TFCP2: variants seen among roughly 807,000 people sequenced by gnomAD.
TFCP2 encodes the protein alpha-globin transcription factor CP2.
Under a neutral mutation model 73.4 loss-of-function variants are expected in TFCP2, and 33 were observed. The observed-to-expected ratio is 0.45, with a 90% CI of 0.34 to 0.60. The LOEUF is 0.60. Among genes scored for constraint, TFCP2 ranks in the 20% least tolerant of loss-of-function variants. The pLI is 0.01. For missense variants in TFCP2, 352 were observed against 604.0 expected, an observed-to-expected ratio of 0.58 and a Z score of 4.37; for synonymous variants, 193 against 211.6, an observed-to-expected ratio of 0.91 and a Z score of 0.76.
At chr12:51,114,098 C>T (rs1393329734) in intron 4 of TFCP2, among the ~76,000 whole-genome samples, 2 of 152,092 alleles carry the variant, frequency 1.3e-5, no homozygotes, top group Non-Finnish European at 2.9e-5. Context: ...AATTGGACCA[C>T]CTCAATGTAA....
Position 51,132,400 on chromosome 12 carries a change from G to A in TFCP2, c.123-13628C>T, listed in dbSNP as rs545600071. 4.4e-4 allele frequency among the ~76,000 whole-genome samples: 41 copies of A among 92,874 alleles called. 1 individual carries two copies. In the South Asian group the frequency reaches 0.013, roughly 29 times the overall value. The allele number at this position is 92,874 out of a possible 152,430, so 60.9% of individuals were successfully genotyped here. ...TTTTTTTTTTTTTAGACAGAGTCTC[G>A]CTCTATCACCCAGGCTAAAGTGCAG... On this transcript the variant is annotated intron_variant, in intron 1 of 14. Coordinates refer to ENST00000257915, the MANE Select transcript of TFCP2 (RefSeq NM_005653.5).
intron 1 of TFCP2, among the ~76,000 whole-genome samples, chr12:51,131,136 T>C (rs1940935435): frequency 6.6e-6 from 1 of 151,320 alleles, no homozygotes; most frequent in African/African-American, 2.4e-5. Context: ...GAGACCATCC[T>C]GGCCAACATG....
intron 1 of TFCP2, among the ~76,000 whole-genome samples, chr12:51,153,368 C>G (rs1212957274): frequency 6.7e-6 from 1 of 148,668 alleles, no homozygotes; most frequent in Non-Finnish European, 1.5e-5. Flanking sequence ...AGAGCAAGAC[C>G]CTGTCTCAAA....
intron 1 of TFCP2, among the ~76,000 whole-genome samples, chr12:51,140,196 T>C (rs1049767128): frequency 2.0e-5 from 3 of 152,170 alleles, no homozygotes; most frequent in African/African-American, 4.8e-5. Flanking sequence ...CTAACACTTA[T>C]GCATGGATAT....
intron 1 of TFCP2, among the ~76,000 whole-genome samples, chr12:51,120,677 C>G (rs1401709985): frequency 6.6e-6 from 1 of 151,854 alleles, no homozygotes; most frequent in Non-Finnish European, 1.5e-5. Context: ...GGCTGTAATT[C>G]CAGCACTTTG....
chr12:51,166,854 T>C (rs1015916706), intron 1 of TFCP2, among the ~76,000 whole-genome samples: 8 of 152,192 alleles, frequency 5.3e-5, no homozygotes, highest in African/African-American at 1.9e-4. Flanking sequence ...CCCATCATCA[T>C]AGTGATTGGC....
intron 5 of TFCP2, among the ~76,000 whole-genome samples, chr12:51,110,567 C>T (rs1386732432): frequency 6.6e-6 from 1 of 151,738 alleles, no homozygotes; most frequent in African/African-American, 2.4e-5. Flanking sequence ...AGACACTGTC[C>T]CCCCCCAAAA....
chr12:51,106,476 G>T (rs759514848), intron 8 of TFCP2, 49 bp downstream of exon 8: 71 of 1,374,182 alleles, frequency 5.2e-5, no homozygotes, highest in Admixed American at 4.1e-5. Flanking sequence ...GGTAATGAAA[G>T]AATATATATT....
chr12:51,095,390 T>C, intron 14 of TFCP2, 112 bp from the exon 15 acceptor site: 1 of 1,165,694 alleles, frequency 8.6e-7, no homozygotes, highest in Admixed American at 1.7e-5. Flanking sequence ...GAGGTGGAGG[T>C]TGCAGTGAGC....
At chr12:51,123,712 C>G (rs1940736693) in intron 1 of TFCP2, among the ~76,000 whole-genome samples, 1 of 152,192 alleles carries the variant, frequency 6.6e-6, no homozygotes, top group African/African-American at 2.4e-5. Flanking sequence ...AGGCATGAGC[C>G]ACTGTGCCTA....
intron 3 of TFCP2, among the ~76,000 whole-genome samples, 200 bp from the exon 4 acceptor site, chr12:51,116,620 C>CT (rs35866720): frequency 0.17 from 24,572 of 143,894 alleles, 2,228 homozygotes; most frequent in South Asian, 0.26. Flanking sequence ...CAGATATAAT[C>CT]TTTTTTTTTT....
intron 1 of TFCP2, among the ~76,000 whole-genome samples, chr12:51,160,403 G>A (rs1254267339): frequency 6.6e-6 from 1 of 151,960 alleles, no homozygotes; most frequent in African/African-American, 2.4e-5. Context: ...CCAAAGGGCT[G>A]GGATTATAGG....
rs1259769265 is a variant in TFCP2 at position 51,096,059 on chromosome 12, T to C, written c.1420-19A>G. The C allele has an allele frequency of 1.2e-6, 2 of 1,608,096 alleles. No individual in the cohort carries two copies. The highest frequency in any genetic ancestry group is 1.1e-5 in the South Asian group (1 of 90,872). The stretch of plus-strand genomic sequence containing the variant: ...GTATCATCTGAAAAATGCAAGAAAA[T>C]TTGTGATTATTTAAATGAAAAACAA... On this transcript the variant is annotated intron_variant, in intron 13 of 14. Transcript: ENST00000257915.
At chr12:51,098,965 T>A (rs750377841) in intron 12 of TFCP2, 47 bp from the exon 13 acceptor site, 36 of 1,595,448 alleles carry the variant, frequency 2.3e-5, no homozygotes, top group Non-Finnish European at 3.0e-5. Flanking sequence ...GTTTGTCCAC[T>A]CTTACAGGTA....
At chr12:51,095,400 C>T in intron 14 of TFCP2, 122 bp from the exon 15 acceptor site, 1 of 1,022,916 alleles carries the variant, frequency 9.8e-7, no homozygotes, top group South Asian at 1.3e-5. Flanking sequence ...TTGCAGTGAG[C>T]TGAGATCACG....
At chr12:51,132,357 C>CTTTTTTTTTTT (rs869123355) in intron 1 of TFCP2, among the ~76,000 whole-genome samples, 1,109 of 61,760 alleles carry the variant, frequency 0.018, 388 homozygotes, top group African/African-American at 0.024. Context: ...AGGGATTAGT[C>CTTTTTTTTTTT]TTTTTTTTTT....
intron 1 of TFCP2, among the ~76,000 whole-genome samples, chr12:51,163,325 C>T (rs941639616): frequency 6.6e-6 from 1 of 152,092 alleles, no homozygotes; most frequent in Admixed American, 6.6e-5. Flanking sequence ...CGCGGTGGCT[C>T]ACGCCTATAA....
chr12:51,159,853 C>T (rs1941612614), intron 1 of TFCP2, among the ~76,000 whole-genome samples: 1 of 152,110 alleles, frequency 6.6e-6, no homozygotes, highest in Admixed American at 6.6e-5. Context: ...CAAGCTGCTC[C>T]AGGAACATGT....
chr12:51,119,091 C>T (rs774859397), intron 1 of TFCP2, among the ~76,000 whole-genome samples: 14 of 152,296 alleles, frequency 9.2e-5, no homozygotes, highest in Admixed American at 8.5e-4. Flanking sequence ...CATTCAGTAA[C>T]GTCTTCATTC....
Sources: allele counts gnomAD v4.1 joint callset (sites outside exome capture counted in the v4.1 genomes callset), GRCh38; gene constraint gnomAD v4.1.1; transcripts MANE v1.5; gene names NCBI Gene and HGNC (gene_info 2026-07-23, HGNC 2026-07-21).